KIF27: variants seen among roughly 807,000 people sequenced by gnomAD.
KIF27 encodes the protein kinesin-like protein KIF27.
A neutral mutation model predicts 141.8 loss-of-function variants in KIF27; 84 were observed. The ratio of observed to expected loss-of-function variants is 0.59; its 90% CI spans 0.50 to 0.71. The LOEUF is 0.71. Among genes scored for constraint, KIF27 ranks in the 30% least tolerant of loss-of-function variants. The pLI is 0.00. For missense variants in KIF27, 1,306 were observed against 1,628.4 expected, an observed-to-expected ratio of 0.80 and a Z score of 3.41; for synonymous variants, 471 against 569.5, an observed-to-expected ratio of 0.83 and a Z score of 2.46.
chr9:83,840,752 G>A (rs1250382630), intron 17 of KIF27, among the ~76,000 whole-genome samples: 3 of 152,168 alleles, frequency 2.0e-5, no homozygotes, highest in African/African-American at 7.2e-5. Flanking sequence ...TCAAGTAAAT[G>A]AGTTACATCA....
chr9:83,911,920 T>G (rs1275298136), intron 2 of KIF27, among the ~76,000 whole-genome samples: 3 of 152,178 alleles, frequency 2.0e-5, no homozygotes, highest in African/African-American at 7.2e-5. Context: ...GAGCTATTGC[T>G]TAATGGGTAC....
At chr9:83,851,319 T>A (rs1490606188) in intron 15 of KIF27, among the ~76,000 whole-genome samples, 2 of 152,160 alleles carry the variant, frequency 1.3e-5, no homozygotes, top group Non-Finnish European at 2.9e-5. Flanking sequence ...AGAATGGATG[T>A]TATAAATAAG....
At chr9:83,919,830 A>G (rs1023443147) in intron 1 of KIF27, among the ~76,000 whole-genome samples, 17 of 152,110 alleles carry the variant, frequency 1.1e-4, no homozygotes. Flanking sequence ...ACAAAACAAA[A>G]CAAATGTGAG....
At chr9:83,848,382 T>C (rs1415155980) in intron 16 of KIF27, among the ~76,000 whole-genome samples, 20 of 137,210 alleles carry the variant, frequency 1.5e-4, no homozygotes, top group Admixed American at 3.1e-4. Context: ...CATATATCTA[T>C]ATATCATATA....
At chr9:83,861,802 A>G (rs1461955008) in intron 13 of KIF27, among the ~76,000 whole-genome samples, 51 of 151,334 alleles carry the variant, frequency 3.4e-4, no homozygotes, top group Non-Finnish European at 6.0e-4. Context: ...CCAACAGTGT[A>G]AAAGTGTTCC....
chr9:83,888,466 A>AT (rs1952332162), intron 8 of KIF27, 23 bp downstream of exon 8: 2 of 1,178,994 alleles, frequency 1.7e-6, no homozygotes, highest in South Asian at 2.8e-5. Context: ...TTAGGTCTAC[A>AT]TTATTTAAGA....
Position 83,846,543 on chromosome 9 carries a change from A to G in KIF27, c.3556+3556T>C, listed in dbSNP as rs11559387. ...TGAAGTCACAATTACAATGCCAATT[A>G]CATGACAATACTTTGCAGGGCTGGG... On this transcript the variant is annotated intron_variant, in intron 16 of 17. Coordinates refer to ENST00000297814, the MANE Select transcript of KIF27 (RefSeq NM_017576.4). Among the ~76,000 whole-genome samples the G allele has an allele frequency of 8.0e-3, 1,217 of 152,304 alleles. 31 individuals carry two copies. Among genetic ancestry groups the G allele is most frequent in the East Asian group, 0.037 (191 of 5,180 alleles).
At chr9:83,887,304 A>C in intron 8 of KIF27, 108 bp from the exon 9 acceptor site, 1 of 674,686 alleles carries the variant, frequency 1.5e-6, no homozygotes, top group Non-Finnish European at 2.3e-6. Context: ...GTGGCAGTGG[A>C]AGAGACAAAA....
chr9:83,913,807 CA>C (rs1213206204), intron 2 of KIF27, among the ~76,000 whole-genome samples: 3 of 152,122 alleles, frequency 2.0e-5, no homozygotes, highest in Admixed American at 2.0e-4. Context: ...TCTCATTAAA[CA>C]AACAAAAACC....
intron 11 of KIF27, among the ~76,000 whole-genome samples, chr9:83,879,093 A>G (rs1455167657): frequency 6.6e-6 from 1 of 150,820 alleles, no homozygotes; most frequent in Non-Finnish European, 1.5e-5. Flanking sequence ...CAGGAGAATC[A>G]CTTGAACCCA....
At position 83,887,063 on chromosome 9, in the gene KIF27, C is replaced by G; in HGVS notation, c.2217G>C (p.Leu739=). ...LTINIKMKED[L]IKELIKTGND... ...TACCTGTTTTTATTAATTCTTTAAT[C>G]AGATCTTCCTTCATCTTGATGTTAA... Residue 739 remains leucine, a synonymous_variant, in exon 9 of 18, where the codon CTG becomes CTC. Transcript: ENST00000297814. The G allele has an allele frequency of 2.5e-6, 4 of 1,585,924 alleles. No homozygotes were observed. Among genetic ancestry groups the G allele is most frequent in the Non-Finnish European group, 3.4e-6 (4 of 1,171,612 alleles).
rs1459979876 is a variant in KIF27, at chr9:83,903,341, T to C, written c.1177A>G (p.Arg393Gly). Residue 393 changes from arginine to glycine, a missense_variant, in exon 4 of 18, where the codon AGG (arginine) becomes GGG (glycine). Physicochemically the swap from Arg to Gly is moderately radical, Grantham distance 125. Coordinates refer to ENST00000297814, the MANE Select transcript of KIF27 (RefSeq NM_017576.4). ...ACTTGCTCCTCAAGAGAATGAATCC[T>C]ATTTGTATCAGGACTCCCTTCTCGA... ...INREGSPDTN[R>G]IHSLEEQVAQ... is the part of the protein sequence containing the mutation. The C allele has an allele frequency of 6.2e-7, 1 of 1,614,196 alleles. No individual in the cohort carries two copies. Among genetic ancestry groups the C allele is most frequent in the Non-Finnish European group, 8.5e-7 (1 of 1,180,032 alleles).
At chr9:83,856,221 A>G (rs1949182501) in intron 14 of KIF27, among the ~76,000 whole-genome samples, 1 of 152,150 alleles carries the variant, frequency 6.6e-6, no homozygotes, top group South Asian at 2.1e-4. Flanking sequence ...CCTCCAAGTG[A>G]TGCTGTTGCT....
chr9:83,850,387 C>T, intron 15 of KIF27, 90 bp from the exon 16 acceptor site: 1 of 758,424 alleles, frequency 1.3e-6, no homozygotes, highest in Non-Finnish European at 2.2e-6. Context: ...AGATGAACTT[C>T]CTTAATCTCC....
At chr9:83,854,955 T>C (rs1331704481) in intron 14 of KIF27, 2 of 152,262 alleles carry the variant, frequency 1.3e-5, no homozygotes, top group Non-Finnish European at 2.9e-5. Context: ...AAAAGTTTCA[T>C]GTGTCCTTGG....
chr9:83,910,728 A>G (rs1442095568), intron 2 of KIF27, among the ~76,000 whole-genome samples: 1 of 152,224 alleles, frequency 6.6e-6, no homozygotes, highest in African/African-American at 2.4e-5. Flanking sequence ...CACAGCTTCT[A>G]CAAACCAGAA....
Position 83,904,765 on chromosome 9 carries a change from T to G in KIF27, c.500-747A>C, listed in dbSNP as rs913156029. Among the ~76,000 whole-genome samples, 9 of 148,024 alleles carry G rather than the reference T, an allele frequency of 6.1e-5. No individual in the cohort carries two copies. In the South Asian group the frequency reaches 8.6e-4, roughly 14 times the overall value. On this transcript the variant is annotated intron_variant, in intron 3 of 17. Transcript: ENST00000297814. ...ATTAGTATCAATTAAAAGGCATTCG[T>G]TTTTTTTTTCAGTTTTGTTAATAAT...
In KIF27 at chr9:83,903,911, G is replaced by C. The variant is rs752861336; in HGVS notation, c.607C>G (p.His203Asp). The C allele has an allele frequency of 1.2e-5, 19 of 1,613,944 alleles. No individual in the cohort carries two copies. The highest frequency in any genetic ancestry group is 1.6e-4 in the Middle Eastern group (1 of 6,084). ...AAAATTGCATGTGATCTGCTGGAGT[G>C]CTCATTCATTTGAGTGGTACCTGTA... ...RHTGTTQMNE[H>D]SSRSHAIFTI... The change falls in exon 4 of 18, where the codon CAC becomes GAC. Residue 203 changes from histidine to aspartate, a missense_variant. His to Asp is a moderately conservative substitution (Grantham distance 81). Around this residue, in one of 4 missense-constraint regions of KIF27, gnomAD observed 533 missense variants for 565.6 expected, o/e 0.94. Transcript: ENST00000297814.
intron 17 of KIF27, among the ~76,000 whole-genome samples, chr9:83,838,433 C>T (rs1246674283): frequency 6.6e-6 from 1 of 152,164 alleles, no homozygotes; most frequent in Non-Finnish European, 1.5e-5. Flanking sequence ...TGGGGTTTCA[C>T]CGTGTTAGCC....
Sources: allele counts gnomAD v4.1 joint callset (sites outside exome capture counted in the v4.1 genomes callset), GRCh38; gene constraint gnomAD v4.1.1; regional missense constraint gnomAD v4.1.1; transcripts MANE v1.5; gene names NCBI Gene and HGNC (gene_info 2026-07-23, HGNC 2026-07-21).